Variants in DLST observed in about 807,000 individuals in gnomAD.
DLST encodes the protein dihydrolipoamide S-succinyltransferase.
In DLST, 17 loss-of-function variants were observed where a neutral mutation model predicts 53.1. That is an observed-to-expected ratio of 0.32 (90% CI 0.22 to 0.48). DLST has a LOEUF of 0.48. Ranked by LOEUF, DLST falls within the 20% of genes least tolerant of loss-of-function variation. The pLI, the probability that DLST is intolerant of heterozygous loss-of-function variation, is 0.99. For synonymous variants in DLST, 206 were observed against 204.8 expected, an observed-to-expected ratio of 1.01 and a Z score of -0.05; for missense variants, 512 against 583.9, an observed-to-expected ratio of 0.88 and a Z score of 1.27.
At position 74,894,526 on chromosome 14, in the gene DLST, T is replaced by C; in HGVS notation, c.770+117T>C. The C allele has an allele frequency of 7.2e-6, 8 of 1,111,140 alleles. No homozygotes were observed. In the South Asian group the frequency reaches 1.3e-4, roughly 18 times the overall value. The allele number at this position is 1,111,140 out of a possible 1,614,324, so 68.8% of individuals were successfully genotyped here. A position where few individuals can be genotyped will look rare whatever the true frequency, so the allele number is the denominator to read the frequency against. ...TAACTTGTCAGGGAAGAGGTATTTGTTTATTGTTTTTTGTTTGTTTGTTTT... is the reference window on the plus strand; with the variant it reads ...TAACTTGTCAGGGAAGAGGTATTTGCTTATTGTTTTTTGTTTGTTTGTTTT... On this transcript the variant is annotated intron_variant, in intron 10 of 14. Transcript: ENST00000334220.
intron 12 of DLST, 37 bp downstream of exon 12, chr14:74,900,033 G>C (rs541895072): frequency 6.6e-7 from 1 of 1,510,766 alleles, no homozygotes; most frequent in Non-Finnish European, 9.2e-7. Context: ...GTTGGTCTTA[G>C]ACCCTCACCT....
In DLST at chr14:74,892,876, C is replaced by T. The variant is rs143259112; in HGVS notation, c.485C>T (p.Ala162Val). 820 of 1,613,806 alleles carry T rather than the reference C, an allele frequency of 5.1e-4. 11 individuals carry two copies. In the South Asian group the frequency reaches 8.5e-3, roughly 17 times the overall value. Residue 162 changes from alanine to valine, a missense_variant, in exon 8 of 15, where the codon GCA (alanine) becomes GTA (valine). Coordinates refer to ENST00000334220, the MANE Select transcript of DLST (RefSeq NM_001933.5). ...KAKPAEAPAA[A>V]APKAEPTAAA... The stretch of plus-strand genomic sequence containing the variant: ...AAGCCGGCTGAAGCTCCTGCTGCTG[C>T]AGCCCCAAAAGCAGAACCTACAGCA...
Position 74,900,309 on chromosome 14 carries a change from C to A in DLST, c.996C>A (p.Ile332=), listed in dbSNP as rs778038456. ...TTCAGGGTCTGGTGGTTCCAGTCAT[C>A]AGGAATGTGGAAGCTATGAATTTTG... ...ATPRGLVVPV[I]RNVEAMNFAD... is the part of the protein sequence containing the mutation. The change falls in exon 13 of 15, where the codon ATC becomes ATA. Residue 332 remains isoleucine, a synonymous_variant. Coordinates refer to ENST00000334220, the MANE Select transcript of DLST (RefSeq NM_001933.5). 3.7e-6 allele frequency: 6 copies of A among 1,613,938 alleles called. No homozygotes were observed. Among genetic ancestry groups the A allele is most frequent in the Non-Finnish European group, 5.1e-6 (6 of 1,179,920 alleles).
chr14:74,901,009 CTT>C, intron 13 of DLST, 55 bp from the exon 14 acceptor site: 2 of 1,585,286 alleles, frequency 1.3e-6, no homozygotes, highest in Non-Finnish European at 1.7e-6. Context: ...TATGGACTGA[CTT>C]TAGGTGAAGG....
intron 14 of DLST, among the ~76,000 whole-genome samples, chr14:74,901,938 G>A (rs1264310865): frequency 4.6e-5 from 7 of 151,892 alleles, no homozygotes; most frequent in Admixed American, 3.3e-4. Flanking sequence ...CAGCAGATGC[G>A]TTAGAGGGCA....
chr14:74,887,527 TTAA>T (rs1317989055), intron 3 of DLST, among the ~76,000 whole-genome samples: 1 of 152,252 alleles, frequency 6.6e-6, no homozygotes, highest in East Asian at 1.9e-4. Context: ...CCCACTTTAT[TTAA>T]TAAATCTTTT....
Position 74,900,330 on chromosome 14 carries a change from T to G in DLST, c.1017T>G (p.Asn339Lys). 2 of 1,614,006 alleles carry G rather than the reference T, an allele frequency of 1.2e-6. No homozygotes were observed. The highest frequency in any genetic ancestry group is 1.7e-6 in the Non-Finnish European group (2 of 1,179,946). Residue 339 changes from asparagine to lysine, a missense_variant, in exon 13 of 15, where the codon AAT becomes AAG. This residue lies in a region of DLST where 186 missense variants were observed against 260.4 expected (regional missense o/e 0.71). Transcript: ENST00000334220. ...VPVIRNVEAM[N>K]FADIERTITE... The stretch of plus-strand genomic sequence containing the variant: ...TCATCAGGAATGTGGAAGCTATGAA[T>G]TTTGCAGATATTGAACGGACCATCA...
intron 6 of DLST, 102 bp downstream of exon 6, chr14:74,890,054 T>A: frequency 1.2e-6 from 1 of 829,422 alleles, no homozygotes; most frequent in South Asian, 2.1e-5. Context: ...AATTTTTAAC[T>A]AGCTCTAACT....
chr14:74,899,616 G>C (rs912506513), intron 11 of DLST, among the ~76,000 whole-genome samples: 88 of 152,292 alleles, frequency 5.8e-4, no homozygotes, highest in African/African-American at 2.0e-3. Flanking sequence ...GGCTTGACTA[G>C]AGCTACTTAA....
At chr14:74,900,160 C>G in intron 12 of DLST, 129 bp from the exon 13 acceptor site, 1 of 1,103,388 alleles carries the variant, frequency 9.1e-7, no homozygotes, top group South Asian at 1.3e-5. Context: ...TCTTTTAACA[C>G]TTTCTGTTAA....
chr14:74,886,938 C>G (rs1050819288), intron 3 of DLST, among the ~76,000 whole-genome samples: 39 of 151,982 alleles, frequency 2.6e-4, no homozygotes, highest in Non-Finnish European at 4.9e-4. Context: ...GGGGTTTCAT[C>G]TTGTTGGCCA....
rs139824407 is a variant in DLST at position 74,884,085 on chromosome 14, A to G, written c.97+1461A>G. On this transcript the variant is annotated intron_variant, in intron 2 of 14. Transcript: ENST00000334220. ...GTAAAGGCTTCCCTGAAGAAGTGAC[A>G]TTTAACTGAGACCTGAATATAAAAG... Among the ~76,000 whole-genome samples, 87 of 152,360 alleles carry G rather than the reference A, an allele frequency of 5.7e-4. No individual in the cohort carries two copies. In the East Asian group the frequency reaches 8.3e-3, roughly 15 times the overall value.
chr14:74,885,850 A>G, intron 3 of DLST: 1 of 519,124 alleles, frequency 1.9e-6, no homozygotes, highest in Non-Finnish European at 3.4e-6. Context: ...GAGTGTGCCC[A>G]CTCTCCACAG....
intron 13 of DLST, 44 bp from the exon 14 acceptor site, chr14:74,901,022 A>G: frequency 6.2e-7 from 1 of 1,600,840 alleles, no homozygotes. Context: ...TAGGTGAAGG[A>G]AACTGGGTTG....
chr14:74,885,740 A>T (rs184192386), intron 3 of DLST, 106 bp downstream of exon 3: 67 of 1,055,970 alleles, frequency 6.3e-5, no homozygotes, highest in Admixed American at 4.2e-4. Flanking sequence ...CCAGACCTAG[A>T]AATTGAGGTG....
At chr14:74,885,495 A>C in intron 2 of DLST, 91 bp from the exon 3 acceptor site, 1 of 1,275,184 alleles carries the variant, frequency 7.8e-7, no homozygotes, top group Non-Finnish European at 1.1e-6. Context: ...GCTCTGTCTC[A>C]GGGTTGGGGG....
Position 74,885,504 on chromosome 14 carries a change from G to A in DLST, c.98-82G>A. 8 of 1,372,564 alleles carry A rather than the reference G, an allele frequency of 5.8e-6. No individual in the cohort carries two copies. In the East Asian group the frequency reaches 6.9e-5, roughly 12 times the overall value. 85.0% of individuals were successfully genotyped at this position (1,372,564 alleles called of 1,614,324 possible). Reference sequence around the variant, plus strand: ...GATCCTGCTCTGTCTCAGGGTTGGGGGTGAGCAGACCTTTTCCATTCCCAG... The same window carrying A: ...GATCCTGCTCTGTCTCAGGGTTGGGAGTGAGCAGACCTTTTCCATTCCCAG... On this transcript the variant is annotated intron_variant, in intron 2 of 14. Transcript: ENST00000334220.
At chr14:74,897,770 A>G (rs1238695690) in intron 10 of DLST, among the ~76,000 whole-genome samples, 2 of 152,196 alleles carry the variant, frequency 1.3e-5, no homozygotes. Flanking sequence ...AAGAACGGAT[A>G]TGACTTTCCG....
Position 74,882,579 on chromosome 14 carries a change from C to T in DLST, c.64-12C>T, listed in dbSNP as rs754426233. 14 of 1,613,696 alleles carry T rather than the reference C, an allele frequency of 8.7e-6. 1 individual carries two copies. In the South Asian group the frequency reaches 1.2e-4, roughly 14 times the overall value. The stretch of plus-strand genomic sequence containing the variant: ...TCTTGGGTGACGTCGATAATGTCTT[C>T]TTTCTCAACAGGGGAACTGCCCTCT... On this transcript the variant is annotated splice_polypyrimidine_tract_variant and intron_variant, in intron 1 of 14. Coordinates refer to ENST00000334220, the MANE Select transcript of DLST (RefSeq NM_001933.5).
Sources: allele counts gnomAD v4.1 joint callset (sites outside exome capture counted in the v4.1 genomes callset), GRCh38; gene constraint gnomAD v4.1.1; regional missense constraint gnomAD v4.1.1; transcripts MANE v1.5; gene names NCBI Gene and HGNC (gene_info 2026-07-23, HGNC 2026-07-21).